CACNB2: variants seen among roughly 807,000 people sequenced by gnomAD.
CACNB2 encodes the protein calcium voltage-gated channel auxiliary subunit beta 2, also known as voltage-dependent L-type calcium channel subunit beta-2.
In CACNB2, 42 loss-of-function variants were observed where a neutral mutation model predicts 73.3. That is an observed-to-expected ratio of 0.57 (90% CI 0.45 to 0.74). The LOEUF is 0.74. Among genes scored for constraint, CACNB2 ranks in the 30% least tolerant of loss-of-function variants. CACNB2 has a pLI of 0.00. For synonymous variants in CACNB2, 348 were observed against 310.3 expected, an observed-to-expected ratio of 1.12 and a Z score of -1.28; for missense variants, 940 against 853.0, an observed-to-expected ratio of 1.10 and a Z score of -1.27.
rs142872003 is a variant in CACNB2, at chr10:18,429,939, A to C, written c.333+27896A>C. Among the ~76,000 whole-genome samples the C allele has an allele frequency of 5.3e-5, 8 of 152,166 alleles. No individual in the cohort carries two copies. In the East Asian group the frequency reaches 1.5e-3, roughly 29 times the overall value. On this transcript the variant is annotated intron_variant, in intron 3 of 13. Transcript: ENST00000324631. Reference sequence around the variant, plus strand: ...GGCTGCAATGAGCTGTGATCGCGCCACTGCACTCTACTGTGGGTGACACAG... The same window carrying C: ...GGCTGCAATGAGCTGTGATCGCGCCCCTGCACTCTACTGTGGGTGACACAG...
intron 9 of CACNB2, chr10:18,519,803 G>A (rs576635474): frequency 2.2e-6 from 1 of 451,724 alleles, no homozygotes; most frequent in African/African-American, 2.0e-5. Context: ...ACACCACTCA[G>A]CTAAACTAGT....
At chr10:18,363,218 C>T (rs1226341244) in intron 2 of CACNB2, among the ~76,000 whole-genome samples, 1 of 152,168 alleles carries the variant, frequency 6.6e-6, no homozygotes. Context: ...TCTGGGATGG[C>T]TCATTATTTA....
Position 18,533,199 on chromosome 10 carries a change from T to C in CACNB2, c.1055-877T>C, listed in dbSNP as rs1288613977. The C allele has an allele frequency of 3.3e-5, 5 of 152,330 alleles. No homozygotes were observed. The East Asian group carries it at 9.6e-4, about 29-fold the overall frequency. 9.4% of individuals were successfully genotyped at this position (152,330 alleles called of 1,614,324 possible). A position where few individuals can be genotyped will look rare whatever the true frequency, so the allele number is the denominator to read the frequency against. On this transcript the variant is annotated intron_variant, in intron 10 of 13. Coordinates refer to ENST00000324631, the MANE Select transcript of CACNB2 (RefSeq NM_201596.3). ...ACTGCAGTGGGAAGTGAAAGCTATG[T>C]ACTATGCTTTATAGACCTATGCTGC...
In CACNB2 at chr10:18,527,785, T is replaced by A; in HGVS notation, c.1054+88T>A. 3 of 859,782 alleles carry A rather than the reference T, an allele frequency of 3.5e-6. No homozygotes were observed. In the East Asian group the frequency reaches 7.4e-5, roughly 21 times the overall value. 53.3% of individuals were successfully genotyped at this position (859,782 alleles called of 1,614,324 possible). ...GACCTAACAAGATGATAATTCCATG[T>A]GTCACAGAGTATAGAAAAAACAGGT... On this transcript the variant is annotated intron_variant, in intron 10 of 13. Transcript: ENST00000324631.
chr10:18,515,971 A>G (rs1422382316), intron 7 of CACNB2, among the ~76,000 whole-genome samples: 1 of 152,132 alleles, frequency 6.6e-6, no homozygotes, highest in Non-Finnish European at 1.5e-5. Context: ...CCAGCCCTTT[A>G]GGAGGCTGAG....
Position 18,538,251 on chromosome 10 carries a change from G to A in CACNB2, c.1374G>A (p.Glu458=). The change falls in exon 13 of 14, where the codon GAG becomes GAA. Residue 458 remains glutamate, a synonymous_variant. Transcript: ENST00000324631. ...DACEHLADYL[E]AYWKATHPPS... The stretch of plus-strand genomic sequence containing the variant: ...GTGAGCACCTTGCCGACTATCTGGA[G>A]GCCTACTGGAAGGCCACCCATCCTC... 2 of 1,614,098 alleles carry A rather than the reference G, an allele frequency of 1.2e-6. No homozygotes were observed. The highest frequency in any genetic ancestry group is 1.7e-6 in the Non-Finnish European group (2 of 1,180,016).
chr10:18,390,486 A>C (rs549638852), intron 2 of CACNB2, among the ~76,000 whole-genome samples: 6 of 152,362 alleles, frequency 3.9e-5, no homozygotes, highest in African/African-American at 1.4e-4. Flanking sequence ...TGCTGGGATT[A>C]CAGGCATGAG....
At chr10:18,445,007 AT>A (rs2046661904) in intron 3 of CACNB2, among the ~76,000 whole-genome samples, 1 of 152,160 alleles carries the variant, frequency 6.6e-6, no homozygotes, top group Non-Finnish European at 1.5e-5. Context: ...CAAGCTTTTA[AT>A]TTTGTTTTCA....
At chr10:18,457,098 G>GT (rs35467019) in intron 3 of CACNB2, among the ~76,000 whole-genome samples, 71,038 of 151,862 alleles carry the variant, frequency 0.47, 17,982 homozygotes, top group Non-Finnish European at 0.58. Flanking sequence ...AACTTTGGGT[G>GT]TGGGTGTATG....
At chr10:18,167,490 T>C (rs978815372) in intron 2 of CACNB2, among the ~76,000 whole-genome samples, 5 of 152,134 alleles carry the variant, frequency 3.3e-5, no homozygotes, top group African/African-American at 1.2e-4. Context: ...GGCACAATGA[T>C]ACAGCCTCGG....
At chr10:18,144,871 A>G (rs187187539) in intron 1 of CACNB2, among the ~76,000 whole-genome samples, 10 of 152,302 alleles carry the variant, frequency 6.6e-5, no homozygotes, top group Admixed American at 3.9e-4. Flanking sequence ...TGACATTTCT[A>G]TTGGGCAACA....
intron 2 of CACNB2, among the ~76,000 whole-genome samples, chr10:18,325,569 C>T (rs1412273573): frequency 6.6e-6 from 1 of 150,624 alleles, no homozygotes. Context: ...TCTTTCTTTC[C>T]TTTCCTTCTT....
At chr10:18,436,306 A>G (rs1394384330) in intron 3 of CACNB2, among the ~76,000 whole-genome samples, 1 of 152,244 alleles carries the variant, frequency 6.6e-6, no homozygotes, top group Non-Finnish European at 1.5e-5. Context: ...AGCCATTTCA[A>G]GTATACTTTG....
intron 2 of CACNB2, among the ~76,000 whole-genome samples, chr10:18,346,395 C>T (rs1319244349): frequency 6.6e-6 from 1 of 152,120 alleles, no homozygotes; most frequent in Non-Finnish European, 1.5e-5. Context: ...GCCTCGGCCT[C>T]CCAAAGTGCT....
chr10:18,261,090 C>A, intron 2 of CACNB2: 2 of 1,423,688 alleles, frequency 1.4e-6, no homozygotes, highest in South Asian at 1.4e-5. Context: ...AAAGTTTTGG[C>A]ATGCCTGCAG....
rs141194385 is a variant in CACNB2, at chr10:18,144,504, G to C, written c.120+3648G>C. Among the ~76,000 whole-genome samples, 321 of 152,306 alleles carry C rather than the reference G, an allele frequency of 2.1e-3. 1 individual carries two copies. The highest frequency in any genetic ancestry group is 7.2e-3 in the African/African-American group (299 of 41,562). On this transcript the variant is annotated intron_variant, in intron 1 of 13. Transcript: ENST00000324631. Reference sequence around the variant, plus strand: ...TGTTGAACAGTTTCAGCGTGAACCTGGACACAGTCTACTTCCAAAGTCCAG... The same window carrying C: ...TGTTGAACAGTTTCAGCGTGAACCTCGACACAGTCTACTTCCAAAGTCCAG...
At chr10:18,380,747 G>A (rs767746984) in intron 2 of CACNB2, among the ~76,000 whole-genome samples, 5 of 152,018 alleles carry the variant, frequency 3.3e-5, no homozygotes, top group South Asian at 2.1e-4. Flanking sequence ...GAGCCACCAC[G>A]CCCCGCCAAA....
intron 7 of CACNB2, among the ~76,000 whole-genome samples, chr10:18,516,043 A>T (rs931818893): frequency 1.3e-5 from 2 of 152,022 alleles, no homozygotes; most frequent in Non-Finnish European, 2.9e-5. Flanking sequence ...GTGAAACCTC[A>T]TCTCTGCTAA....
intron 2 of CACNB2, chr10:18,182,120 C>T (rs548399551): frequency 6.6e-6 from 1 of 152,332 alleles, no homozygotes; most frequent in African/African-American, 2.4e-5. Context: ...CTTGAGCATA[C>T]CCTAAGCCAC....
Sources: allele counts gnomAD v4.1 joint callset (sites outside exome capture counted in the v4.1 genomes callset), GRCh38; gene constraint gnomAD v4.1.1; transcripts MANE v1.5; gene names NCBI Gene and HGNC (gene_info 2026-07-23, HGNC 2026-07-21).